Variants in ARHGAP29 observed in about 807,000 individuals in gnomAD.
The protein encoded by ARHGAP29 is Rho GTPase activating protein 29, also known as rho GTPase-activating protein 29.
In ARHGAP29, 43 loss-of-function variants were observed where a neutral mutation model predicts 122.6. The observed-to-expected ratio is 0.35, with a 90% CI of 0.27 to 0.45. ARHGAP29 has a LOEUF of 0.45. ARHGAP29 is among the 20% of genes least tolerant of loss of function. The pLI is 1.00. For missense variants in ARHGAP29, 1,303 were observed against 1,477.2 expected (o/e 0.88, Z 1.93); for synonymous variants, 506 against 497.1 (o/e 1.02, Z -0.24).
At chr1:94,257,670 C>T (rs1654413653) in intron 1 of ARHGAP29, among the ~76,000 whole-genome samples, 1 of 152,142 alleles carries the variant, frequency 6.6e-6, no homozygotes, top group Non-Finnish European at 1.5e-5. Context: ...GATTGTTCCA[C>T]TGCACTCTAA....
At chr1:94,268,114 A>G (rs1473229401) in intron 1 of ARHGAP29, among the ~76,000 whole-genome samples, 3 of 152,194 alleles carry the variant, frequency 2.0e-5, no homozygotes, top group Admixed American at 2.0e-4. Context: ...TATTTTTAAA[A>G]TTAGTGTGTC....
At chr1:94,245,039 A>G (rs1400901882) in intron 1 of ARHGAP29, among the ~76,000 whole-genome samples, 1 of 152,206 alleles carries the variant, frequency 6.6e-6, no homozygotes, top group Non-Finnish European at 1.5e-5. Flanking sequence ...TTCAACTTCT[A>G]TGAGATACCA....
chr1:94,222,167 T>C (rs1652340055), intron 2 of ARHGAP29, among the ~76,000 whole-genome samples: 1 of 152,160 alleles, frequency 6.6e-6, no homozygotes, highest in Non-Finnish European at 1.5e-5. Context: ...ACATAAATGA[T>C]TGAATACATT....
intron 12 of ARHGAP29, chr1:94,195,676 T>C (rs1650408492): frequency 6.6e-6 from 1 of 152,058 alleles, no homozygotes; most frequent in Admixed American, 6.5e-5. Context: ...TAAATATAAA[T>C]GGTCTAAACA....
chr1:94,300,169 G>T, the ARHGAP29 span, among the ~76,000 whole-genome samples: 2 of 152,156 alleles, frequency 1.3e-5, no homozygotes, highest in Non-Finnish European at 2.9e-5. Flanking sequence ...TTCTCCTGAA[G>T]CCTCATCATT....
At chr1:94,208,628 T>C (rs1009685865) in intron 5 of ARHGAP29, among the ~76,000 whole-genome samples, 9 of 151,712 alleles carry the variant, frequency 5.9e-5, no homozygotes, top group South Asian at 4.2e-4. Flanking sequence ...CCCAGCTAAT[T>C]TTTGTATTAT....
At chr1:94,213,709 A>ACT (rs1305587290) in intron 3 of ARHGAP29, among the ~76,000 whole-genome samples, 1 of 151,964 alleles carries the variant, frequency 6.6e-6, no homozygotes, top group African/African-American at 2.4e-5. Flanking sequence ...TTAAATCCTA[A>ACT]CTCTCTCTCT....
chr1:94,274,552 G>GAAACCTT (rs1193890342), intron 1 of ARHGAP29, among the ~76,000 whole-genome samples: 1 of 152,208 alleles, frequency 6.6e-6, no homozygotes, highest in Non-Finnish European at 1.5e-5. Flanking sequence ...GGTGGTCACA[G>GAAACCTT]AAACCTTAAT....
At chr1:94,192,547 A>C (rs1050957320) in intron 12 of ARHGAP29, 1 of 152,238 alleles carries the variant, frequency 6.6e-6, no homozygotes, top group African/African-American at 2.4e-5. Context: ...CAAATCCCTA[A>C]GACACAATCT....
upstream of ARHGAP29, among the ~76,000 whole-genome samples, chr1:94,241,445 A>C (rs183581381): frequency 2.0e-4 from 30 of 151,778 alleles, no homozygotes; most frequent in East Asian, 5.9e-3. Context: ...GTGAAACCCC[A>C]TTTCTACTAA....
chr1:94,267,953 AT>A (rs1012884577), intron 1 of ARHGAP29, among the ~76,000 whole-genome samples: 5 of 152,084 alleles, frequency 3.3e-5, no homozygotes, highest in African/African-American at 7.2e-5. Context: ...AAATAACTAC[AT>A]TTTTTTGGCA....
At chr1:94,282,186 T>TAA in the ARHGAP29 span, among the ~76,000 whole-genome samples, 28 of 151,316 alleles carry the variant, frequency 1.9e-4, no homozygotes, top group South Asian at 3.3e-3. Context: ...TTGTCTTTTT[T>TAA]AAAAAAAAAG....
At chr1:94,250,980 G>T (rs1354973038) in intron 1 of ARHGAP29, among the ~76,000 whole-genome samples, 1 of 152,026 alleles carries the variant, frequency 6.6e-6, no homozygotes, top group Admixed American at 6.6e-5. Flanking sequence ...CCTTAAAAAT[G>T]CAATTATTGA....
At chr1:94,312,356 T>G in the ARHGAP29 span, among the ~76,000 whole-genome samples, 3 of 80,064 alleles carry the variant, frequency 3.7e-5, no homozygotes, top group Non-Finnish European at 5.2e-5. Context: ...TTTTTATTTG[T>G]TTTTTTTTTT....
chr1:94,234,697 T>C (rs994761853), intron 1 of ARHGAP29, among the ~76,000 whole-genome samples: 12 of 152,172 alleles, frequency 7.9e-5, no homozygotes, highest in African/African-American at 2.7e-4. Context: ...TTCCTTCCCA[T>C]CAACAAAAAC....
chr1:94,211,803 G>A (rs540126969), intron 3 of ARHGAP29, among the ~76,000 whole-genome samples: 24 of 151,950 alleles, frequency 1.6e-4, no homozygotes, highest in South Asian at 1.5e-3. Flanking sequence ...TATGCACAAC[G>A]TGCATGTTTG....
chr1:94,284,426 G>A, the ARHGAP29 span, among the ~76,000 whole-genome samples: 1 of 152,186 alleles, frequency 6.6e-6, no homozygotes, highest in African/African-American at 2.4e-5. Context: ...ATCACATAGT[G>A]TAGTAGATTA....
At position 94,252,238 on chromosome 1, in the gene ARHGAP29, G is replaced by A. The variant is rs575221980; in HGVS notation, c.-32-20595C>T. The stretch of plus-strand genomic sequence containing the variant: ...AAATCTTTATCTGAAAGAGCCATAA[G>A]TAACTCAAGAATCTTACATTATAAA... On this transcript the variant is annotated intron_variant and NMD_transcript_variant, in intron 1 of 25. Transcript: ENST00000552844. 2.6e-5 allele frequency among the ~76,000 whole-genome samples: 4 copies of A among 152,282 alleles called. No homozygotes were observed. In the South Asian group the frequency reaches 8.3e-4, roughly 32 times the overall value.
chr1:94,194,968 AAAGT>A (rs1650362835), intron 12 of ARHGAP29: 1 of 148,598 alleles, frequency 6.7e-6, no homozygotes, highest in South Asian at 2.1e-4. Context: ...ACAAAAGTAA[AAAGT>A]AATAATAGAA....
Sources: allele counts gnomAD v4.1 joint callset (sites outside exome capture counted in the v4.1 genomes callset), GRCh38; gene constraint gnomAD v4.1.1; transcripts MANE v1.5; gene names NCBI Gene and HGNC (gene_info 2026-07-23, HGNC 2026-07-21).